The following NETO2 variants were observed in gnomAD, a reference collection of about 807,000 sequenced individuals.
NETO2 encodes the protein neuropilin and tolloid-like protein 2.
A neutral mutation model predicts 62.5 loss-of-function variants in NETO2; 28 were observed. The ratio of observed to expected loss-of-function variants is 0.45; its 90% CI spans 0.33 to 0.61. NETO2 has a LOEUF of 0.61. Ranked by LOEUF, NETO2 falls within the 20% of genes least tolerant of loss-of-function variation. NETO2 has a pLI of 0.02. For missense variants in NETO2, 548 were observed against 643.2 expected (o/e 0.85, Z 1.60); for synonymous variants, 214 against 219.1 (o/e 0.98, Z 0.21).
At chr16:47,104,419 T>C (rs1963625062) in intron 7 of NETO2, among the ~76,000 whole-genome samples, 1 of 152,202 alleles carries the variant, frequency 6.6e-6, no homozygotes, top group African/African-American at 2.4e-5. Flanking sequence ...TGTTCATGAA[T>C]GGGAAGACTT....
At chr16:47,143,195 A>C (rs943879737) in intron 1 of NETO2, among the ~76,000 whole-genome samples, 3 of 152,090 alleles carry the variant, frequency 2.0e-5, no homozygotes, top group African/African-American at 7.2e-5. Context: ...CTGGAGAAAG[A>C]GCGGCCTCCG....
At chr16:47,127,697 G>C (rs1055874148) in intron 4 of NETO2, among the ~76,000 whole-genome samples, 1 of 152,194 alleles carries the variant, frequency 6.6e-6, no homozygotes, top group Non-Finnish European at 1.5e-5. Context: ...AAGAAAATCA[G>C]TTTCTGCTGT....
Position 47,089,533 on chromosome 16 carries a change from A to G in NETO2, c.884-3194T>C, listed in dbSNP as rs537806372. On this transcript the variant is annotated intron_variant, in intron 7 of 8. Coordinates refer to ENST00000562435, the MANE Select transcript of NETO2 (RefSeq NM_018092.5). ...AGTTCAAATGATGTATATATCTAAT[A>G]AGTAATTTATCCAGAGACTGCTAAC... Among the ~76,000 whole-genome samples the G allele has an allele frequency of 3.3e-5, 5 of 152,322 alleles. No individual in the cohort carries two copies. The South Asian group carries it at 1.0e-3, about 32-fold the overall frequency.
chr16:47,114,376 T>TC (rs1963863866), intron 6 of NETO2, among the ~76,000 whole-genome samples: 1 of 150,384 alleles, frequency 6.6e-6, no homozygotes, highest in African/African-American at 2.4e-5. Context: ...TTTTTTTTTT[T>TC]TTTCTCACTC....
At chr16:47,104,525 G>C (rs1567386164) in intron 7 of NETO2, among the ~76,000 whole-genome samples, 2 of 152,070 alleles carry the variant, frequency 1.3e-5, no homozygotes, top group South Asian at 4.1e-4. Context: ...AATAGAAAAA[G>C]TCATCCTAAA....
At chr16:47,143,482 C>T in intron 1 of NETO2, 97 bp downstream of exon 1, 7 of 1,190,810 alleles carry the variant, frequency 5.9e-6, no homozygotes, top group Non-Finnish European at 7.3e-6. Context: ...CGCGTCGGGT[C>T]CCGGGCGCGG....
Position 47,129,353 on chromosome 16 carries a change from T to C in NETO2, c.103A>G (p.Ile35Val). 1 of 1,613,890 alleles carries C rather than the reference T, an allele frequency of 6.2e-7. No homozygotes were observed. The highest frequency in any genetic ancestry group is 1.1e-5 in the South Asian group (1 of 91,084). The change falls in exon 3 of 9, where the codon ATT becomes GTT. Residue 35 changes from isoleucine to valine, a missense_variant. Coordinates refer to ENST00000562435, the MANE Select transcript of NETO2 (RefSeq NM_018092.5). ...VAQKTQDGQN[I>V]GIKHIPATQC... ...GTTGCAGGAATATGCTTGATTCCAA[T>C]ATTTTGTCCATCTTAGGGAAAAACG... is the stretch of plus-strand genomic sequence containing the variant.
chr16:47,087,359 T>C (rs1033871290), intron 7 of NETO2, among the ~76,000 whole-genome samples: 1 of 152,166 alleles, frequency 6.6e-6, no homozygotes, highest in Non-Finnish European at 1.5e-5. Context: ...TGAGAAATAT[T>C]GTATGATTCC....
At chr16:47,127,590 C>T (rs1167444542) in intron 4 of NETO2, among the ~76,000 whole-genome samples, 1 of 152,176 alleles carries the variant, frequency 6.6e-6, no homozygotes, top group Non-Finnish European at 1.5e-5. Flanking sequence ...CTGGGGCATG[C>T]ACTGGAGGCT....
intron 4 of NETO2, among the ~76,000 whole-genome samples, chr16:47,126,084 T>G (rs1964152102): frequency 6.6e-6 from 1 of 152,256 alleles, no homozygotes; most frequent in African/African-American, 2.4e-5. Context: ...GTCATATTTG[T>G]GCTTTTGCGT....
intron 1 of NETO2, 59 bp from the exon 2 acceptor site, chr16:47,132,084 G>A (rs1964277385): frequency 8.0e-7 from 1 of 1,251,234 alleles, no homozygotes; most frequent in Non-Finnish European, 1.1e-6. Context: ...ATTTTACTAA[G>A]TCAATAAATA....
intron 4 of NETO2, among the ~76,000 whole-genome samples, chr16:47,125,298 GTCTT>G (rs1234352266): frequency 1.3e-5 from 2 of 151,170 alleles, no homozygotes; most frequent in Non-Finnish European, 2.9e-5. Context: ...AGGATATCCT[GTCTT>G]TCTTTCTTTT....
chr16:47,096,454 A>G (rs967011374), intron 7 of NETO2, among the ~76,000 whole-genome samples: 1 of 152,188 alleles, frequency 6.6e-6, no homozygotes, highest in Admixed American at 6.5e-5. Flanking sequence ...CAGAAATGCA[A>G]CTGGAGACAT....
In NETO2 at chr16:47,080,194, G is replaced by A. The variant is rs1430776997; in HGVS notation, c.*3027C>T. 1 of 152,250 alleles carries A rather than the reference G, an allele frequency of 6.6e-6. No homozygotes were observed. The highest frequency in any genetic ancestry group is 1.5e-5 in the Non-Finnish European group (1 of 68,046). The allele number at this position is 152,250 out of a possible 1,614,324, so 9.4% of individuals were successfully genotyped here. On this transcript the variant is annotated 3_prime_UTR_variant, in exon 9 of 9. Coordinates refer to ENST00000562435, the MANE Select transcript of NETO2 (RefSeq NM_018092.5). ...CATCTTATTCCTACATGCTTTAGAT[G>A]TTGGGATTAGTAGGTTTCCTGCAAT... is the stretch of plus-strand genomic sequence containing the variant.
At chr16:47,114,235 G>C (rs1963860582) in intron 6 of NETO2, among the ~76,000 whole-genome samples, 1 of 152,060 alleles carries the variant, frequency 6.6e-6, no homozygotes, top group African/African-American at 2.4e-5. Context: ...TTTTTGTAAT[G>C]ATTAAATCTT....
Position 47,097,046 on chromosome 16 carries a change from C to T in NETO2, c.884-10707G>A, listed in dbSNP as rs533884653. Among the ~76,000 whole-genome samples the T allele has an allele frequency of 2.3e-4, 35 of 152,320 alleles. No homozygotes were observed. In the East Asian group the frequency reaches 4.2e-3, roughly 18 times the overall value. The stretch of plus-strand genomic sequence containing the variant: ...CAACCCGCAGACCAGGAGATTCCCT[C>T]GGGTGCCTACACCACCAGGGACCTG... On this transcript the variant is annotated intron_variant, in intron 7 of 8. Coordinates refer to ENST00000562435, the MANE Select transcript of NETO2 (RefSeq NM_018092.5).
intron 6 of NETO2, among the ~76,000 whole-genome samples, chr16:47,115,272 T>C (rs1337764491): frequency 2.0e-5 from 3 of 152,166 alleles, no homozygotes; most frequent in Non-Finnish European, 2.9e-5. Context: ...ACAAAAAATA[T>C]AGCTGTGATT....
intron 7 of NETO2, among the ~76,000 whole-genome samples, chr16:47,098,083 A>C (rs757206518): frequency 3.3e-5 from 5 of 152,180 alleles, no homozygotes; most frequent in Non-Finnish European, 5.9e-5. Context: ...ACACTGCAAA[A>C]AGCCTGAAAA....
At chr16:47,100,752 GGAA>G (rs1269177436) in intron 7 of NETO2, among the ~76,000 whole-genome samples, 2 of 152,232 alleles carry the variant, frequency 1.3e-5, no homozygotes, top group East Asian at 3.9e-4. Flanking sequence ...GACTAAACCA[GGAA>G]GAAGTTGAAT....
Sources: allele counts gnomAD v4.1 joint callset (sites outside exome capture counted in the v4.1 genomes callset), GRCh38; gene constraint gnomAD v4.1.1; transcripts MANE v1.5; gene names NCBI Gene and HGNC (gene_info 2026-07-23, HGNC 2026-07-21).